Variants in UNC13C observed in about 807,000 individuals in gnomAD.
The protein encoded by UNC13C is unc-13 homolog C.
A neutral mutation model predicts 245.4 loss-of-function variants in UNC13C; 174 were observed. That is an observed-to-expected ratio of 0.71 (90% CI 0.63 to 0.80). UNC13C has a LOEUF of 0.80. UNC13C is among the 30% of genes least tolerant of loss of function. The pLI is 0.00. For synonymous variants in UNC13C, 992 were observed against 895.1 expected (o/e 1.11, Z -1.93); for missense variants, 2,829 against 2,602.9 (o/e 1.09, Z -1.89).
rs180722644 is a variant in UNC13C at position 54,449,341 on chromosome 15, G to T, written c.4933+34274G>T. On this transcript the variant is annotated intron_variant, in intron 19 of 32. Coordinates refer to ENST00000260323, the MANE Select transcript of UNC13C (RefSeq NM_001080534.3). ...TGGCCTGCCTTGCTAGGTTGGGGAAGTTCTCCCGGATAATATCCTGCACAG... is the reference window on the plus strand; with the variant it reads ...TGGCCTGCCTTGCTAGGTTGGGGAATTTCTCCCGGATAATATCCTGCACAG... Among the ~76,000 whole-genome samples, 155 of 152,292 alleles carry T rather than the reference G, an allele frequency of 1.0e-3. 1 individual carries two copies. In the East Asian group the frequency reaches 0.028, roughly 27 times the overall value.
intron 17 of UNC13C, among the ~76,000 whole-genome samples, chr15:54,391,962 CATGGCAATTGGAT>C (rs1269485052): frequency 1.3e-5 from 2 of 152,004 alleles, no homozygotes; most frequent in African/African-American, 4.8e-5. Flanking sequence ...CAGCAGAAGA[CATGGCAATTGGAT>C]ATGGCAATAG....
intron 2 of UNC13C, among the ~76,000 whole-genome samples, chr15:54,110,448 C>A (rs1340762687): frequency 2.6e-5 from 4 of 152,054 alleles, no homozygotes; most frequent in African/African-American, 7.2e-5. Flanking sequence ...AATGTAAAAT[C>A]AAATTCTGTC....
intron 30 of UNC13C, among the ~76,000 whole-genome samples, chr15:54,605,205 T>A (rs1899700210): frequency 6.6e-6 from 1 of 152,130 alleles, no homozygotes; most frequent in Admixed American, 6.5e-5. Flanking sequence ...CAGCAACCAA[T>A]TTGTCTGAAT....
intron 13 of UNC13C, among the ~76,000 whole-genome samples, chr15:54,305,761 C>A (rs146773870): frequency 7.9e-5 from 12 of 152,104 alleles, no homozygotes; most frequent in African/African-American, 2.9e-4. Flanking sequence ...GAAATGCTGT[C>A]TTTTCTCTAT....
rs1462565018 is a variant in UNC13C at position 54,277,639 on chromosome 15, T to C, written c.3818+12143T>C. Among the ~76,000 whole-genome samples, 3 of 152,224 alleles carry C rather than the reference T, an allele frequency of 2.0e-5. No individual in the cohort carries two copies. The East Asian group carries it at 5.8e-4, about 29-fold the overall frequency. The stretch of plus-strand genomic sequence containing the variant: ...GGAGACATTAACTTTATCTTTTTAA[T>C]ATTGCTGCTACAAGGGCCATATTTA... On this transcript the variant is annotated intron_variant, in intron 10 of 32. Transcript: ENST00000260323.
chr15:54,486,483 A>G (rs1449064509), intron 19 of UNC13C, among the ~76,000 whole-genome samples: 2 of 151,942 alleles, frequency 1.3e-5, no homozygotes, highest in Middle Eastern at 3.2e-3. Flanking sequence ...AAAAAAGAAC[A>G]TAGCACCTGG....
intron 19 of UNC13C, among the ~76,000 whole-genome samples, chr15:54,479,667 T>A (rs1182692690): frequency 1.3e-5 from 2 of 152,142 alleles, no homozygotes; most frequent in Admixed American, 1.3e-4. Flanking sequence ...CTTTTATTGT[T>A]TGCCTTTACA....
chr15:54,283,384 T>A (rs938447484), intron 10 of UNC13C, among the ~76,000 whole-genome samples: 2 of 152,122 alleles, frequency 1.3e-5, no homozygotes, highest in African/African-American at 4.8e-5. Context: ...ATCATTATAA[T>A]CCCTACATTA....
the UNC13C span, among the ~76,000 whole-genome samples, chr15:53,971,429 C>G: frequency 6.6e-6 from 1 of 151,974 alleles, no homozygotes; most frequent in Non-Finnish European, 1.5e-5. Context: ...GCAACAAAAG[C>G]AAAAGTAGAC....
At chr15:54,473,163 A>G (rs966969959) in intron 19 of UNC13C, among the ~76,000 whole-genome samples, 8 of 151,828 alleles carry the variant, frequency 5.3e-5, no homozygotes, top group Non-Finnish European at 1.0e-4. Context: ...TGGCCTAAAT[A>G]TGTATGCATT....
chr15:54,257,392 G>A (rs913342054), intron 8 of UNC13C, among the ~76,000 whole-genome samples: 4 of 152,150 alleles, frequency 2.6e-5, no homozygotes, highest in Non-Finnish European at 5.9e-5. Flanking sequence ...ACTGTTATGC[G>A]AGCACATTCC....
At chr15:53,861,396 C>G in the UNC13C span, among the ~76,000 whole-genome samples, 1 of 152,150 alleles carries the variant, frequency 6.6e-6, no homozygotes, top group Non-Finnish European at 1.5e-5. Flanking sequence ...CCATCTGAAA[C>G]ATAAAATGAC....
chr15:54,275,843 C>A (rs921814681), intron 10 of UNC13C, among the ~76,000 whole-genome samples: 2 of 151,974 alleles, frequency 1.3e-5, no homozygotes, highest in Non-Finnish European at 2.9e-5. Flanking sequence ...TAACTTAAAA[C>A]TGAAAACAAC....
chr15:53,887,861 T>C, the UNC13C span, among the ~76,000 whole-genome samples: 1 of 152,194 alleles, frequency 6.6e-6, no homozygotes, highest in African/African-American at 2.4e-5. Flanking sequence ...GCTTCATCCA[T>C]GTCCCTGCAA....
chr15:54,534,684 A>G (rs980502898), intron 26 of UNC13C, among the ~76,000 whole-genome samples: 2 of 152,212 alleles, frequency 1.3e-5, no homozygotes, highest in Admixed American at 1.3e-4. Context: ...GAACCCAAGG[A>G]ATCTAATGAT....
At chr15:54,073,845 G>T (rs1362017573) in intron 2 of UNC13C, among the ~76,000 whole-genome samples, 1 of 152,184 alleles carries the variant, frequency 6.6e-6, no homozygotes, top group Non-Finnish European at 1.5e-5. Flanking sequence ...TAACTCTGAT[G>T]ATAGTTTCTT....
At chr15:53,871,409 A>T in the UNC13C span, among the ~76,000 whole-genome samples, 1 of 152,178 alleles carries the variant, frequency 6.6e-6, no homozygotes, top group South Asian at 2.1e-4. Flanking sequence ...TCTGGGAAGC[A>T]CTTTCTCATC....
At chr15:54,632,421 A>AAAG (rs2141333538), downstream of UNC13C, 1 of 152,334 alleles carries the variant, frequency 6.6e-6, no homozygotes, top group East Asian at 1.9e-4. Flanking sequence ...TCAAGGCCAA[A>AAAG]AAGATTTTTT....
At chr15:54,384,449 T>C (rs769164928) in intron 17 of UNC13C, among the ~76,000 whole-genome samples, 10 of 152,084 alleles carry the variant, frequency 6.6e-5, no homozygotes, top group Non-Finnish European at 1.5e-4. Flanking sequence ...GGAAAATGTA[T>C]AACTATATCC....
Sources: allele counts gnomAD v4.1 joint callset (sites outside exome capture counted in the v4.1 genomes callset), GRCh38; gene constraint gnomAD v4.1.1; transcripts MANE v1.5; gene names NCBI Gene and HGNC (gene_info 2026-07-23, HGNC 2026-07-21).